RSU1: variants seen among roughly 807,000 people sequenced by gnomAD.
RSU1 encodes rsu-1.
In RSU1, 26 loss-of-function variants were observed where a neutral mutation model predicts 31.1. The observed-to-expected ratio is 0.84, with a 90% CI of 0.61 to 1.16. The LOEUF (loss-of-function observed/expected upper bound fraction) is 1.16. Among genes scored for constraint, RSU1 ranks in the 50% most tolerant of loss-of-function variants. The probability of loss-of-function intolerance (pLI) is 0.00; values close to 1 mark genes in which losing one functional copy is unlikely to be tolerated. For synonymous variants in RSU1, 164 were observed against 136.3 expected, an observed-to-expected ratio of 1.20 and a Z score of -1.41; for missense variants, 320 against 339.1, an observed-to-expected ratio of 0.94 and a Z score of 0.44.
intron 8 of RSU1, among the ~76,000 whole-genome samples, chr10:16,630,095 G>C (rs1344106335): frequency 1.3e-5 from 2 of 151,296 alleles, no homozygotes; most frequent in Non-Finnish European, 2.9e-5. Context: ...TTTGAAAGGC[G>C]GCTTCTCACC....
chr10:16,723,078 A>T (rs1211732268), intron 7 of RSU1: 1 of 151,754 alleles, frequency 6.6e-6, no homozygotes, highest in Non-Finnish European at 1.5e-5. Context: ...TGATATATAT[A>T]TATACACACA....
At chr10:16,652,459 T>A (rs1417526052) in intron 8 of RSU1, among the ~76,000 whole-genome samples, 2 of 149,036 alleles carry the variant, frequency 1.3e-5, no homozygotes, top group Non-Finnish European at 3.0e-5. Flanking sequence ...AAAAAAACAT[T>A]TCCCAAACTT....
chr10:16,739,772 C>T (rs1177843038), intron 7 of RSU1, among the ~76,000 whole-genome samples: 2 of 151,994 alleles, frequency 1.3e-5, no homozygotes, highest in African/African-American at 4.8e-5. Context: ...CCACCACACT[C>T]GGCTAATTTT....
intron 8 of RSU1, among the ~76,000 whole-genome samples, chr10:16,693,065 C>G (rs188944531): frequency 1.1e-4 from 17 of 152,108 alleles, no homozygotes; most frequent in Non-Finnish European, 2.2e-4. Flanking sequence ...CTGGCTCAAG[C>G]GATTCTTGTG....
In RSU1 at chr10:16,628,227, A is replaced by G. The variant is rs541470680; in HGVS notation, c.732-34731T>C. Among the ~76,000 whole-genome samples, 48 of 152,384 alleles carry G rather than the reference A, an allele frequency of 3.1e-4. No homozygotes were observed. The South Asian group carries it at 9.5e-3, about 30-fold the overall frequency. Reference sequence around the variant, plus strand: ...TTTGGAGAACATGATCCTAGAAGTTAGGGTGGATAGTTTTGAACATTCTTG... The same window carrying G: ...TTTGGAGAACATGATCCTAGAAGTTGGGGTGGATAGTTTTGAACATTCTTG... On this transcript the variant is annotated intron_variant, in intron 8 of 8. Transcript: ENST00000345264.
In RSU1 at chr10:16,661,287, CGTGTGTGTGTGT is replaced by C. The variant is rs56675037; in HGVS notation, c.731+33724_731+33735del. ...GTGTATGTGTGATATGTAGAGAGTG[CGTGTGTGTGTGT>C]GTGTGTGTGTGTGTGTGTGTGTGTG... On this transcript the variant is annotated intron_variant, in intron 8 of 8. Coordinates refer to ENST00000345264, the MANE Select transcript of RSU1 (RefSeq NM_012425.4). Among the ~76,000 whole-genome samples, 359 of 132,908 alleles carry C rather than the reference CGTGTGTGTGTGT, an allele frequency of 2.7e-3. 2 individuals are homozygous for C. The highest frequency in any genetic ancestry group is 8.9e-3 in the African/African-American group (303 of 33,994). 87.2% of individuals were successfully genotyped at this position (132,908 alleles called of 152,430 possible). A position where few individuals can be genotyped will look rare whatever the true frequency, so the allele number is the denominator to read the frequency against.
intron 8 of RSU1, among the ~76,000 whole-genome samples, chr10:16,633,188 C>T (rs985821000): frequency 4.6e-5 from 7 of 152,096 alleles, no homozygotes; most frequent in Non-Finnish European, 8.8e-5. Flanking sequence ...CTCCAGAGAG[C>T]GCCAAGTGTC....
intron 8 of RSU1, among the ~76,000 whole-genome samples, chr10:16,661,477 A>G (rs1204835482): frequency 1.3e-5 from 2 of 152,140 alleles, no homozygotes; most frequent in Non-Finnish European, 2.9e-5. Context: ...CATTTTTTAA[A>G]TGTAGTTTCC....
intron 3 of RSU1, chr10:16,767,144 CT>C (rs1440427260): frequency 1.3e-5 from 2 of 152,384 alleles, no homozygotes; most frequent in African/African-American, 2.4e-5. Context: ...CATCCCTCCC[CT>C]GTCCACCCTC....
intron 2 of RSU1, among the ~76,000 whole-genome samples, chr10:16,814,767 A>G (rs1246718549): frequency 6.6e-6 from 1 of 152,238 alleles, no homozygotes; most frequent in Non-Finnish European, 1.5e-5. Flanking sequence ...CTTCTTTAGG[A>G]AAATTTAAGA....
intron 8 of RSU1, among the ~76,000 whole-genome samples, chr10:16,606,518 C>T (rs1833807835): frequency 6.6e-6 from 1 of 152,134 alleles, no homozygotes; most frequent in South Asian, 2.1e-4. Flanking sequence ...TAGAGTCTTT[C>T]TGGCCTCACG....
chr10:16,668,967 C>T (rs1228372195), intron 8 of RSU1, among the ~76,000 whole-genome samples: 2 of 151,392 alleles, frequency 1.3e-5, no homozygotes, highest in Non-Finnish European at 2.9e-5. Context: ...ATAGTTATGG[C>T]CATAGACATG....
At chr10:16,792,408 T>C (rs1308842242) in intron 2 of RSU1, among the ~76,000 whole-genome samples, 2 of 152,152 alleles carry the variant, frequency 1.3e-5, no homozygotes, top group African/African-American at 4.8e-5. Flanking sequence ...AATTTTTGTA[T>C]TTTTAATAGA....
At chr10:16,618,667 A>G (rs1834020459) in intron 8 of RSU1, among the ~76,000 whole-genome samples, 1 of 152,172 alleles carries the variant, frequency 6.6e-6, no homozygotes, top group Admixed American at 6.5e-5. Context: ...AATGAGTTAA[A>G]GTCCTTTGCA....
intron 4 of RSU1, among the ~76,000 whole-genome samples, chr10:16,760,683 A>G (rs189800283): frequency 1.4e-3 from 216 of 152,182 alleles, no homozygotes; most frequent in Non-Finnish European, 2.5e-3. Flanking sequence ...TGAAGGTATC[A>G]TTCCATCCCA....
intron 7 of RSU1, among the ~76,000 whole-genome samples, chr10:16,735,406 A>C (rs920262847): frequency 7.9e-5 from 12 of 152,216 alleles, no homozygotes; most frequent in Admixed American, 7.9e-4. Context: ...TAAATGGGTA[A>C]GAAAAGAGCA....
intron 7 of RSU1, among the ~76,000 whole-genome samples, chr10:16,696,172 T>C (rs1393472319): frequency 1.3e-5 from 2 of 152,212 alleles, no homozygotes; most frequent in Non-Finnish European, 2.9e-5. Context: ...ACACTTCTCA[T>C]CCATGGCCTG....
intron 8 of RSU1, among the ~76,000 whole-genome samples, chr10:16,608,656 G>A (rs1361851844): frequency 6.6e-6 from 1 of 152,040 alleles, no homozygotes; most frequent in Non-Finnish European, 1.5e-5. Flanking sequence ...CTGGCAATGG[G>A]ATAATGGAGA....
chr10:16,808,567 T>C (rs1318640841), intron 2 of RSU1, among the ~76,000 whole-genome samples: 1 of 150,376 alleles, frequency 6.6e-6, no homozygotes, highest in Admixed American at 6.6e-5. Context: ...AGAACCTCCA[T>C]AGCTCTCTAC....
Sources: allele counts gnomAD v4.1 joint callset (sites outside exome capture counted in the v4.1 genomes callset), GRCh38; gene constraint gnomAD v4.1.1; transcripts MANE v1.5; gene names NCBI Gene and HGNC (gene_info 2026-07-23, HGNC 2026-07-21).